BPTF: variants seen among roughly 807,000 people sequenced by gnomAD.
BPTF encodes nucleosome-remodeling factor subunit BPTF.
BPTF carries 18 observed loss-of-function variants against 292.5 expected under a neutral mutation model. The observed-to-expected ratio is 0.06, with a 90% CI of 0.04 to 0.09. The LOEUF (loss-of-function observed/expected upper bound fraction) is 0.09, where lower values mean the gene tolerates loss of function less well. Ranked by LOEUF, BPTF falls within the 10% of genes least tolerant of loss-of-function variation. The pLI, the probability that BPTF is intolerant of heterozygous loss-of-function variation, is 1.00. For synonymous variants in BPTF, 1,225 were observed against 1,251.9 expected (o/e 0.98, Z 0.45); for missense variants, 2,726 against 3,498.7 (o/e 0.78, Z 5.57).
intron 9 of BPTF, among the ~76,000 whole-genome samples, chr17:67,908,078 G>A (rs1210566564): frequency 1.3e-5 from 2 of 152,190 alleles, no homozygotes; most frequent in Non-Finnish European, 2.9e-5. Context: ...GTGACACAAA[G>A]TATGTTAGAA....
At chr17:67,851,401 G>A (rs769322637) in intron 1 of BPTF, among the ~76,000 whole-genome samples, 3 of 151,360 alleles carry the variant, frequency 2.0e-5, no homozygotes, top group Admixed American at 6.6e-5. Context: ...ACCATTGTTT[G>A]TGTGCACGTT....
intron 4 of BPTF, among the ~76,000 whole-genome samples, chr17:67,881,125 A>C (rs1019435391): frequency 6.6e-6 from 1 of 152,164 alleles, no homozygotes; most frequent in Non-Finnish European, 1.5e-5. Flanking sequence ...GAGTGAGAAC[A>C]TAAGAAAATT....
At chr17:67,840,446 G>T (rs1245538086) in intron 1 of BPTF, among the ~76,000 whole-genome samples, 3 of 148,114 alleles carry the variant, frequency 2.0e-5, no homozygotes, top group African/African-American at 7.3e-5. Context: ...TAATTGGGTT[G>T]CTGCTGCTCC....
chr17:67,908,102 G>C (rs1028450028), intron 9 of BPTF, among the ~76,000 whole-genome samples: 2 of 152,162 alleles, frequency 1.3e-5, no homozygotes, highest in Non-Finnish European at 2.9e-5. Context: ...ACTGATATGG[G>C]CTTTCTGGAA....
Position 67,959,709 on chromosome 17 carries a change from C to A in BPTF, c.8095C>A (p.Leu2699Met). 4 of 1,601,134 alleles carry A rather than the reference C, an allele frequency of 2.5e-6. No homozygotes were observed. Among genetic ancestry groups the A allele is most frequent in the Non-Finnish European group, 3.4e-6 (4 of 1,173,776 alleles). ...ACCTGCTGTGCAACACACAGGCCTTCTGTCCACGCCCACCTTACCTGCTGC... is the reference window on the plus strand; with the variant it reads ...ACCTGCTGTGCAACACACAGGCCTTATGTCCACGCCCACCTTACCTGCTGC... ...PPPAVQHTGLLSTPTLPAASQ... is the reference protein window; with the variant it reads ...PPPAVQHTGLMSTPTLPAASQ... Residue 2699 changes from leucine to methionine, a missense_variant, in exon 24 of 28, where the codon CTG (leucine) becomes ATG (methionine). Physicochemically the swap from Leu to Met is conservative, Grantham distance 15. Transcript: ENST00000306378.
At chr17:67,903,425 A>T (rs1243529181) in intron 7 of BPTF, among the ~76,000 whole-genome samples, 2 of 152,356 alleles carry the variant, frequency 1.3e-5, no homozygotes, top group East Asian at 3.9e-4. Context: ...TAGTGTAATT[A>T]TCCATTGATT....
At chr17:67,972,423 A>G (rs2068865247) in intron 26 of BPTF, among the ~76,000 whole-genome samples, 1 of 152,040 alleles carries the variant, frequency 6.6e-6, no homozygotes, top group Non-Finnish European at 1.5e-5. Flanking sequence ...TATTTTTAGT[A>G]GAGACGGGGT....
chr17:67,973,838 G>A (rs527847093), intron 26 of BPTF: 1 of 151,876 alleles, frequency 6.6e-6, no homozygotes, highest in South Asian at 2.1e-4. Context: ...TTTCCCTACT[G>A]ACTTGAAGGG....
chr17:67,910,516 T>C (rs921710095), intron 10 of BPTF, among the ~76,000 whole-genome samples: 7 of 152,160 alleles, frequency 4.6e-5, no homozygotes, highest in Non-Finnish European at 8.8e-5. Flanking sequence ...AAAAATATTT[T>C]TGGCTGGGCG....
At chr17:67,931,626 G>C (rs1330179396) in intron 17 of BPTF, among the ~76,000 whole-genome samples, 1 of 152,238 alleles carries the variant, frequency 6.6e-6, no homozygotes, top group Admixed American at 6.5e-5. Flanking sequence ...ACTAGTTACA[G>C]AGCAGAGCCT....
chr17:67,873,707 C>A (rs2059890964), intron 3 of BPTF, among the ~76,000 whole-genome samples: 1 of 152,070 alleles, frequency 6.6e-6, no homozygotes, highest in African/African-American at 2.4e-5. Flanking sequence ...CATAGGCATT[C>A]ACTCATATAC....
In BPTF at chr17:67,912,432, C is replaced by A. The variant is rs762803594; in HGVS notation, c.4548C>A (p.Thr1516=). ...STKESDSTQT[T]TPSASCPESN... ...AAGAGTCTGACAGTACACAGACGAC[C>A]ACACCCTCAGCATCTTGTCCAGAAA... is the stretch of plus-strand genomic sequence containing the variant. Residue 1516 remains threonine, a synonymous_variant, in exon 11 of 28, where the codon ACC becomes ACA. Coordinates refer to ENST00000306378, the MANE Select transcript of BPTF (RefSeq NM_182641.4). 13 of 1,613,618 alleles carry A rather than the reference C, an allele frequency of 8.1e-6. No individual in the cohort carries two copies. The highest frequency in any genetic ancestry group is 1.1e-5 in the Non-Finnish European group (13 of 1,179,934).
rs200215613 is a variant in BPTF at position 67,879,150 on chromosome 17, TTTTC to T, written c.1864+4134_1864+4137del. Among the ~76,000 whole-genome samples, 36 of 140,560 alleles carry T rather than the reference TTTTC, an allele frequency of 2.6e-4. 1 individual carries two copies. Among genetic ancestry groups the T allele is most frequent in the East Asian group, 7.0e-4 (2 of 2,876 alleles). 92.2% of individuals were successfully genotyped at this position (140,560 alleles called of 152,430 possible). On this transcript the variant is annotated intron_variant, in intron 4 of 27. Coordinates refer to ENST00000306378, the MANE Select transcript of BPTF (RefSeq NM_182641.4). ...GTTAATTATTTCTTTTTTTTTTTTT[TTTTC>T]TTTTTGAGATGGAGTTTCAGTCTTT...
In BPTF at chr17:67,959,806, C is replaced by T. The variant is rs1555683118; in HGVS notation, c.8192C>T (p.Thr2731Ile). The T allele has an allele frequency of 6.2e-7, 1 of 1,614,038 alleles. No individual in the cohort carries two copies. Among genetic ancestry groups the T allele is most frequent in the South Asian group, 1.1e-5 (1 of 91,080 alleles). Residue 2731 changes from threonine to isoleucine, a missense_variant, in exon 24 of 28, where the codon ACT (threonine) becomes ATT (isoleucine). By Grantham distance (89) the Thr-to-Ile change is moderately conservative. Transcript: ENST00000306378. ...SKSKKKKMIS[T>I]TSKETKKDTK... is the part of the protein sequence containing the mutation. The stretch of plus-strand genomic sequence containing the variant: ...TCCAAGAAAAAGAAAATGATCTCTA[C>T]TACCTCAAAGGAAACTAAGAAGGAC...
chr17:67,840,485 G>C (rs58830404), intron 1 of BPTF, among the ~76,000 whole-genome samples: 3 of 126,492 alleles, frequency 2.4e-5, no homozygotes, highest in South Asian at 2.1e-4. Context: ...TGCTGCTGCT[G>C]CTCCTCCGCC....
intron 4 of BPTF, 152 bp downstream of exon 4, chr17:67,875,172 G>A (rs2059980276): frequency 5.9e-6 from 4 of 680,310 alleles, no homozygotes; most frequent in Non-Finnish European, 7.4e-6. Context: ...CTTATAACGT[G>A]TGTAACAATT....
chr17:67,888,739 A>G (rs1238657923), intron 4 of BPTF, among the ~76,000 whole-genome samples: 1 of 152,076 alleles, frequency 6.6e-6, no homozygotes, highest in Admixed American at 6.6e-5. Context: ...ACTGGATGCC[A>G]TTGTTTTTCT....
Position 67,912,133 on chromosome 17 carries a change from T to G in BPTF, c.4249T>G (p.Tyr1417Asp). 6.2e-7 allele frequency: 1 copy of G among 1,610,880 alleles called. No homozygotes were observed. Among genetic ancestry groups the G allele is most frequent in the Non-Finnish European group, 8.5e-7 (1 of 1,178,920 alleles). ...INGKDNKPKI[Y>D]LKGECLKEIS... ...TGGAAAAGATAATAAACCCAAAATA[T>G]ATTTGAAAGGTGAATGCTTGAAAGA... The change falls in exon 11 of 28, where the codon TAT becomes GAT. Residue 1417 changes from tyrosine to aspartate, a missense_variant. This residue lies in a region of BPTF where 713 missense variants were observed against 714.9 expected (regional missense o/e 1.00). Coordinates refer to ENST00000306378, the MANE Select transcript of BPTF (RefSeq NM_182641.4).
At chr17:67,969,667 T>G (rs1555689736) in intron 26 of BPTF, among the ~76,000 whole-genome samples, 1 of 152,062 alleles carries the variant, frequency 6.6e-6, no homozygotes, top group Non-Finnish European at 1.5e-5. Flanking sequence ...TTTTCCTGTT[T>G]GTTTTTGTTT....
Sources: gnomAD v4.1 joint callset for allele counts (sites outside exome capture counted in the v4.1 genomes callset) on GRCh38, gnomAD v4.1.1 for gene constraint, gnomAD v4.1.1 regional missense constraint, MANE v1.5 for transcripts, NCBI Gene and HGNC (gene_info 2026-07-23, HGNC 2026-07-21) for gene names.